The following MTUS2 variants were observed in gnomAD, a reference collection of about 807,000 sequenced individuals.
MTUS2 encodes microtubule associated scaffold protein 2.
In MTUS2, 40 loss-of-function variants were observed where a neutral mutation model predicts 114.1. That is an observed-to-expected ratio of 0.35 (90% confidence interval 0.27 to 0.46). MTUS2 has a LOEUF of 0.46. MTUS2 is among the 20% of genes least tolerant of loss of function. The pLI is 1.00. For missense variants in MTUS2, 1,679 were observed against 1,705.4 expected (o/e 0.98, Z 0.27); for synonymous variants, 688 against 672.0 (o/e 1.02, Z -0.37).
chr13:29,229,933 A>T (rs1346794000), intron 5 of MTUS2, among the ~76,000 whole-genome samples: 4 of 152,224 alleles, frequency 2.6e-5, no homozygotes. Flanking sequence ...CACAATGTAT[A>T]GCATTCGACT....
chr13:28,890,815 C>T (rs1157585210), intron 2 of MTUS2, among the ~76,000 whole-genome samples: 2 of 152,146 alleles, frequency 1.3e-5, no homozygotes, highest in African/African-American at 4.8e-5. Flanking sequence ...TTGTTGCCTA[C>T]ATTGCCCTAG....
At chr13:29,283,065 T>C (rs1898339249) in intron 6 of MTUS2, among the ~76,000 whole-genome samples, 1 of 152,188 alleles carries the variant, frequency 6.6e-6, no homozygotes, top group South Asian at 2.1e-4. Context: ...TTTGATGCAT[T>C]AATAGATATG....
At position 28,899,082 on chromosome 13, in the gene MTUS2, T is replaced by C. The variant is rs141422372; in HGVS notation, c.-243+59232T>C. On this transcript the variant is annotated intron_variant, in intron 2 of 15. Transcript: ENST00000612955. ...CTTCAGGCAATAAATACATTTACCC[T>C]TGACATTATTTAGTTTTCTGTTTTG... Among the ~76,000 whole-genome samples, 64 of 152,342 alleles carry C rather than the reference T, an allele frequency of 4.2e-4. No homozygotes were observed. The East Asian group carries it at 0.012, about 28-fold the overall frequency.
intron 5 of MTUS2, among the ~76,000 whole-genome samples, chr13:29,228,112 T>C (rs34140869): frequency 0.065 from 9,967 of 152,232 alleles, 353 homozygotes; most frequent in Middle Eastern, 0.078. Context: ...CATGAAGATA[T>C]ATGCATAATG....
intron 2 of MTUS2, among the ~76,000 whole-genome samples, chr13:28,991,686 AAATTT>A (rs1256243417): frequency 1.3e-5 from 2 of 152,032 alleles, no homozygotes; most frequent in Admixed American, 1.3e-4. Context: ...AATGTCTTTA[AAATTT>A]AATTTAATTT....
intron 6 of MTUS2, among the ~76,000 whole-genome samples, chr13:29,312,220 C>T (rs758451136): frequency 6.6e-6 from 1 of 152,224 alleles, no homozygotes; most frequent in African/African-American, 2.4e-5. Context: ...GCTACAATAT[C>T]TTGTCATTAC....
At chr13:29,489,354 T>G (rs1881886572) in intron 11 of MTUS2, among the ~76,000 whole-genome samples, 1 of 152,214 alleles carries the variant, frequency 6.6e-6, no homozygotes, top group Non-Finnish European at 1.5e-5. Flanking sequence ...GAGTTTTTAT[T>G]ATTGTTAAAA....
At chr13:29,279,071 A>G (rs541229174) in intron 5 of MTUS2, among the ~76,000 whole-genome samples, 1 of 152,308 alleles carries the variant, frequency 6.6e-6, no homozygotes, top group South Asian at 2.1e-4. Context: ...GTATTTTTTC[A>G]TAGCAACTCT....
intron 9 of MTUS2, among the ~76,000 whole-genome samples, chr13:29,464,056 G>A (rs997233410): frequency 6.6e-6 from 1 of 152,216 alleles, no homozygotes; most frequent in Non-Finnish European, 1.5e-5. Flanking sequence ...GCGTGGTAGA[G>A]CCATTCCTGC....
chr13:29,490,776 TG>T (rs1321219318), intron 11 of MTUS2, among the ~76,000 whole-genome samples: 1 of 152,270 alleles, frequency 6.6e-6, no homozygotes, highest in Non-Finnish European at 1.5e-5. Context: ...GCTGGCAGGA[TG>T]GCTGCTCGCA....
At chr13:29,288,783 T>A (rs1440671817) in intron 6 of MTUS2, among the ~76,000 whole-genome samples, 1 of 152,176 alleles carries the variant, frequency 6.6e-6, no homozygotes, top group East Asian at 1.9e-4. Context: ...CACTACCTAC[T>A]GATTCACTAG....
rs578053082 is a variant in MTUS2, at chr13:28,889,448, C to G, written c.-243+49598C>G. 4.6e-5 allele frequency among the ~76,000 whole-genome samples: 7 copies of G among 152,204 alleles called. No individual in the cohort carries two copies. In the South Asian group the frequency reaches 1.5e-3, roughly 32 times the overall value. On this transcript the variant is annotated intron_variant, in intron 2 of 15. Coordinates refer to ENST00000612955, the MANE Select transcript of MTUS2 (RefSeq NM_001033602.4). The stretch of plus-strand genomic sequence containing the variant: ...GTCATCACAGACTTTGGTGAGCTAC[C>G]TTGTCATTAGGTAATAACTCTCTGT...
At chr13:29,466,488 A>G (rs2138818241) in intron 9 of MTUS2, among the ~76,000 whole-genome samples, 1 of 152,364 alleles carries the variant, frequency 6.6e-6, no homozygotes, top group African/African-American at 2.4e-5. Flanking sequence ...AAGGAAAATC[A>G]TGCCTTTCCT....
chr13:29,073,798 A>G (rs1889055555), intron 4 of MTUS2, among the ~76,000 whole-genome samples: 1 of 151,944 alleles, frequency 6.6e-6, no homozygotes, highest in African/African-American at 2.4e-5. Context: ...AGTCCCTACA[A>G]ATGATTGTAT....
intron 5 of MTUS2, among the ~76,000 whole-genome samples, chr13:29,110,159 C>T (rs1448433754): frequency 6.6e-6 from 1 of 152,234 alleles, no homozygotes; most frequent in Non-Finnish European, 1.5e-5. Context: ...GTAAATGAAA[C>T]ATACTTATGC....
intron 8 of MTUS2, among the ~76,000 whole-genome samples, chr13:29,411,253 C>T (rs560910409): frequency 2.6e-5 from 4 of 152,080 alleles, no homozygotes; most frequent in Non-Finnish European, 5.9e-5. Context: ...GAGTTTGTTC[C>T]GGGGCACAAG....
At chr13:29,177,555 C>G (rs933967096) in intron 5 of MTUS2, among the ~76,000 whole-genome samples, 1 of 152,142 alleles carries the variant, frequency 6.6e-6, no homozygotes, top group Non-Finnish European at 1.5e-5. Context: ...GAACCCTTCA[C>G]TAGTCGACAC....
intron 5 of MTUS2, among the ~76,000 whole-genome samples, chr13:29,171,319 A>G (rs1369101166): frequency 6.6e-6 from 1 of 152,198 alleles, no homozygotes; most frequent in African/African-American, 2.4e-5. Context: ...GCACAATTGA[A>G]TCCCAATTAG....
chr13:29,058,341 A>G (rs1421888551), intron 4 of MTUS2, among the ~76,000 whole-genome samples: 2 of 151,798 alleles, frequency 1.3e-5, no homozygotes, highest in East Asian at 1.9e-4. Flanking sequence ...AGGTTGGGGA[A>G]ATGTTCATGG....
Sources: gnomAD v4.1 joint callset for allele counts (sites outside exome capture counted in the v4.1 genomes callset) on GRCh38, gnomAD v4.1.1 for gene constraint, MANE v1.5 for transcripts, NCBI Gene and HGNC (gene_info 2026-07-23, HGNC 2026-07-21) for gene names.